FNDC3A: variants seen among roughly 807,000 people sequenced by gnomAD.
The protein encoded by FNDC3A is fibronectin type III domain containing 3A, also known as fibronectin type-III domain-containing protein 3A.
A neutral mutation model predicts 148.9 loss-of-function variants in FNDC3A; 32 were observed. The observed-to-expected ratio is 0.21, with a 90% CI of 0.16 to 0.29. The LOEUF is 0.29. FNDC3A is among the 10% of genes least tolerant of loss of function. The pLI is 1.00. For synonymous variants in FNDC3A, 472 were observed against 473.6 expected, an observed-to-expected ratio of 1.00 and a Z score of 0.04; for missense variants, 1,191 against 1,452.8, an observed-to-expected ratio of 0.82 and a Z score of 2.93.
At chr13:49,193,842 C>T (rs901728099) in intron 19 of FNDC3A, among the ~76,000 whole-genome samples, 11 of 152,002 alleles carry the variant, frequency 7.2e-5, no homozygotes, top group Non-Finnish European at 1.2e-4. Context: ...ATCACTTGAA[C>T]CTGGGAGGCG....
Position 49,100,154 on chromosome 13 carries a change from C to G in FNDC3A, c.176-14501C>G, listed in dbSNP as rs74072711. Among the ~76,000 whole-genome samples the G allele has an allele frequency of 3.8e-3, 572 of 152,102 alleles. 7 individuals carry two copies. Among genetic ancestry groups the G allele is most frequent in the African/African-American group, 0.013 (546 of 41,498 alleles). On this transcript the variant is annotated intron_variant, in intron 3 of 25. Transcript: ENST00000492622. ...TTCAGATACTCAATATGAAGAATAC[C>G]TTTAAATGCTCTTTAATGTACTTGC...
rs1884066711 is a variant in FNDC3A at position 49,160,958 on chromosome 13, A to AC, written c.978-6286_978-6285insC. Among the ~76,000 whole-genome samples the AC allele has an allele frequency of 2.6e-5, 4 of 152,248 alleles. No individual in the cohort carries two copies. The South Asian group carries it at 8.3e-4, about 32-fold the overall frequency. On this transcript the variant is annotated intron_variant, in intron 8 of 25. Transcript: ENST00000492622. Reference sequence around the variant, plus strand: ...AGTGAGTTTCTTAATCCTGAATTCTAATTTGATTGCACTGTGGTCTGAGAG... The same window carrying AC: ...AGTGAGTTTCTTAATCCTGAATTCTACATTTGATTGCACTGTGGTCTGAGAG...
At chr13:48,991,523 CA>C (rs1461359388) in intron 1 of FNDC3A, among the ~76,000 whole-genome samples, 2 of 151,408 alleles carry the variant, frequency 1.3e-5, no homozygotes, top group African/African-American at 4.9e-5. Flanking sequence ...TACGTCTCTA[CA>C]AAAAAATACA....
At chr13:49,088,001 AT>A (rs994724563) in intron 3 of FNDC3A, among the ~76,000 whole-genome samples, 25 of 152,234 alleles carry the variant, frequency 1.6e-4, no homozygotes, top group African/African-American at 5.5e-4. Flanking sequence ...CTATGATCAG[AT>A]TTTTATTAGA....
In FNDC3A at chr13:49,167,314, C is replaced by G. The variant is rs776851008; in HGVS notation, c.1037+11C>G. 3.2e-6 allele frequency: 5 copies of G among 1,563,710 alleles called. No individual in the cohort carries two copies. In the East Asian group the frequency reaches 1.1e-4, roughly 36 times the overall value. On this transcript the variant is annotated intron_variant, in intron 9 of 25. Transcript: ENST00000492622. ...GGATTACCATGCAAAGTAAGGAATT[C>G]CTACAGATTGCCTTTATAAGATACA...
At chr13:49,201,263 C>A in intron 23 of FNDC3A, 1 of 168,378 alleles carries the variant, frequency 5.9e-6, no homozygotes. Flanking sequence ...TATCATACTG[C>A]TTTTGTAAAT....
intron 2 of FNDC3A, among the ~76,000 whole-genome samples, chr13:49,068,422 A>C (rs1350833696): frequency 6.6e-6 from 1 of 152,178 alleles, no homozygotes; most frequent in East Asian, 1.9e-4. Flanking sequence ...ATCACAAAGG[A>C]GATCAAGAAC....
At chr13:49,188,311 T>A (rs1249879853) in intron 16 of FNDC3A, among the ~76,000 whole-genome samples, 1 of 152,216 alleles carries the variant, frequency 6.6e-6, no homozygotes, top group Non-Finnish European at 1.5e-5. Context: ...ATATTTCACT[T>A]CCACAAAGCC....
Position 49,207,399 on chromosome 13 carries a change from T to C in FNDC3A, c.*4T>C. 2 of 1,510,332 alleles carry C rather than the reference T, an allele frequency of 1.3e-6. No homozygotes were observed. Among genetic ancestry groups the C allele is most frequent in the Non-Finnish European group, 1.8e-6 (2 of 1,100,286 alleles). 93.6% of individuals were successfully genotyped at this position (1,510,332 alleles called of 1,614,324 possible). A position where few individuals can be genotyped will look rare whatever the true frequency, so the allele number is the denominator to read the frequency against. ...TCAGTACTTTGTAATCAAGTGAAAA[T>C]ATAACTTTATTTTTTAACTCTATTA... On this transcript the variant is annotated 3_prime_UTR_variant, in exon 26 of 26. Coordinates refer to ENST00000492622, the MANE Select transcript of FNDC3A (RefSeq NM_001079673.2).
chr13:48,983,601 A>G (rs535427142), intron 1 of FNDC3A, among the ~76,000 whole-genome samples: 9 of 152,318 alleles, frequency 5.9e-5, no homozygotes, highest in Non-Finnish European at 1.0e-4. Context: ...TAGTTTGCCA[A>G]CCTCTGCAAT....
chr13:49,190,903 A>G, intron 17 of FNDC3A, 112 bp from the exon 18 acceptor site: 5 of 656,772 alleles, frequency 7.6e-6, no homozygotes, highest in African/African-American at 3.7e-5. Context: ...ATCAAGTACA[A>G]TTTCAAATTA....
chr13:49,116,387 A>G (rs1027950078), intron 4 of FNDC3A, among the ~76,000 whole-genome samples: 1 of 152,236 alleles, frequency 6.6e-6, no homozygotes, highest in African/African-American at 2.4e-5. Flanking sequence ...GAGTGTTTAT[A>G]TATGTCAGGC....
At chr13:49,174,401 T>A (rs1271349355) in intron 11 of FNDC3A, 34 bp from the exon 12 acceptor site, 1 of 1,573,448 alleles carries the variant, frequency 6.4e-7, no homozygotes, top group African/African-American at 1.3e-5. Flanking sequence ...TACAGTAATG[T>A]ACATGGTATA....
In FNDC3A at chr13:49,024,228, TTAA is replaced by T. The variant is rs1593485720; in HGVS notation, c.99+17944_99+17946del. 2.6e-5 allele frequency among the ~76,000 whole-genome samples: 4 copies of T among 152,034 alleles called. No individual in the cohort carries two copies. The East Asian group carries it at 7.7e-4, about 29-fold the overall frequency. On this transcript the variant is annotated intron_variant, in intron 2 of 25. Coordinates refer to ENST00000492622, the MANE Select transcript of FNDC3A (RefSeq NM_001079673.2). Reference sequence around the variant, plus strand: ...AATAACAAGTAATGAGATTGAATTTTTAATAATGTCTCCCAAGAAAGAAAAGTC... The same window carrying T: ...AATAACAAGTAATGAGATTGAATTTTTAATGTCTCCCAAGAAAGAAAAGTC...
At chr13:49,043,588 T>C (rs544136261) in intron 2 of FNDC3A, among the ~76,000 whole-genome samples, 2 of 152,328 alleles carry the variant, frequency 1.3e-5, no homozygotes, top group South Asian at 4.1e-4. Context: ...GTCATGATAG[T>C]GTAATTGGAA....
intron 8 of FNDC3A, among the ~76,000 whole-genome samples, chr13:49,161,973 T>G (rs528144709): frequency 6.6e-6 from 1 of 152,330 alleles, no homozygotes; most frequent in South Asian, 2.1e-4. Flanking sequence ...TGCCGAGAGA[T>G]CTGCTGTTAG....
intron 2 of FNDC3A, among the ~76,000 whole-genome samples, chr13:49,067,609 C>T (rs573042851): frequency 2.7e-4 from 41 of 152,198 alleles, no homozygotes; most frequent in Non-Finnish European, 3.8e-4. Flanking sequence ...CGCCAAGGTC[C>T]GATTTTTCAC....
intron 2 of FNDC3A, among the ~76,000 whole-genome samples, chr13:49,059,339 G>C (rs1001081724): frequency 6.6e-6 from 1 of 152,172 alleles, no homozygotes; most frequent in African/African-American, 2.4e-5. Flanking sequence ...CACTGAAAAC[G>C]CAAGAAACAA....
At chr13:49,013,319 T>A (rs1382928009) in intron 2 of FNDC3A, among the ~76,000 whole-genome samples, 2 of 151,994 alleles carry the variant, frequency 1.3e-5, no homozygotes, top group African/African-American at 4.8e-5. Flanking sequence ...AGTCTCATAT[T>A]TTCAACATTT....
Sources: gnomAD v4.1 joint callset for allele counts (sites outside exome capture counted in the v4.1 genomes callset) on GRCh38, gnomAD v4.1.1 for gene constraint, MANE v1.5 for transcripts, NCBI Gene and HGNC (gene_info 2026-07-23, HGNC 2026-07-21) for gene names.